The following SLC7A5 variants were observed in gnomAD, a reference collection of about 807,000 sequenced individuals.
The protein encoded by SLC7A5 is large neutral amino acids transporter small subunit 1.
SLC7A5 carries 23 observed loss-of-function variants against 50.2 expected under a neutral mutation model. The observed-to-expected ratio is 0.46, with a 90% confidence interval of 0.33 to 0.65. The LOEUF is 0.65. Ranked by LOEUF, SLC7A5 falls within the 30% of genes least tolerant of loss-of-function variation. SLC7A5 has a pLI of 0.02. For missense variants in SLC7A5, 578 were observed against 684.4 expected (o/e 0.84, Z 1.73); for synonymous variants, 393 against 330.6 (o/e 1.19, Z -2.05).
At chr16:87,842,098 T>A (rs1044595632) in intron 2 of SLC7A5, among the ~76,000 whole-genome samples, 4 of 152,054 alleles carry the variant, frequency 2.6e-5, no homozygotes, top group Non-Finnish European at 4.4e-5. Flanking sequence ...GAAGGAGAAC[T>A]TGGAAAGAAG....
chr16:87,865,308 C>T (rs1364309759), intron 1 of SLC7A5, among the ~76,000 whole-genome samples: 1 of 152,192 alleles, frequency 6.6e-6, no homozygotes, highest in Non-Finnish European at 1.5e-5. Flanking sequence ...CTAACTTTCG[C>T]TGAAAGGGAC....
rs2055404683 is a variant in SLC7A5, at chr16:87,862,041, G to C, written c.538+6844C>G. Reference sequence around the variant, plus strand: ...GCTGAGCCAGGATCCCAGCTGTGGGGGGTTGGGGGTGGAGGGGTGCAGGGA... The same window carrying C: ...GCTGAGCCAGGATCCCAGCTGTGGGCGGTTGGGGGTGGAGGGGTGCAGGGA... On this transcript the variant is annotated intron_variant, in intron 1 of 9. Coordinates refer to ENST00000261622, the MANE Select transcript of SLC7A5 (RefSeq NM_003486.7). The surrounding 1 kb of genome is among the most constrained non-coding windows in gnomAD (Gnocchi z 5.3). Among the ~76,000 whole-genome samples, 1 of 152,212 alleles carries C rather than the reference G, an allele frequency of 6.6e-6. No individual in the cohort carries two copies. The highest frequency in any genetic ancestry group is 2.4e-5 in the African/African-American group (1 of 41,454).
At chr16:87,835,782 G>A (rs930696480) in intron 8 of SLC7A5, among the ~76,000 whole-genome samples, 5 of 152,204 alleles carry the variant, frequency 3.3e-5, no homozygotes, top group East Asian at 1.9e-4. Flanking sequence ...CCTAAAGCCC[G>A]TTCAACAGCA....
At chr16:87,839,067 C>T (rs1025760957) in intron 5 of SLC7A5, among the ~76,000 whole-genome samples, 33 of 152,224 alleles carry the variant, frequency 2.2e-4, no homozygotes, top group African/African-American at 8.0e-4. Context: ...TCTGGGACTC[C>T]CTGGAGCAAG....
intron 7 of SLC7A5, chr16:87,837,626 G>C (rs1228203203): frequency 1.8e-6 from 1 of 554,748 alleles, no homozygotes; most frequent in Admixed American, 3.1e-5. Context: ...ATTTCCGATG[G>C]TCTGAATCGT....
intron 8 of SLC7A5, among the ~76,000 whole-genome samples, chr16:87,835,675 C>T (rs140338295): frequency 3.7e-4 from 56 of 152,212 alleles, no homozygotes; most frequent in South Asian, 2.1e-3. Flanking sequence ...GGGGTTTCAC[C>T]GTGTTAGCCA....
In SLC7A5 at chr16:87,851,800, G is replaced by A; in HGVS notation, c.588C>T (p.Val196=). ...GCTTGGCGGCGGCAAAGGCATCCTG[G>A]ACCCGGGTGGCGGCCTTCACGCTGT... ...NCYSVKAATR[V]QDAFAAAKLL... Residue 196 remains valine (V), a synonymous_variant, in exon 2 of 10, where the codon GTC becomes GTT. Transcript: ENST00000261622. 7 of 1,613,120 alleles carry A rather than the reference G, an allele frequency of 4.3e-6. No individual in the cohort carries two copies. Among genetic ancestry groups the A allele is most frequent in the South Asian group, 2.2e-5 (2 of 91,086 alleles).
chr16:87,857,144 CAGAG>C (rs1256524503), intron 1 of SLC7A5, among the ~76,000 whole-genome samples: 2 of 152,198 alleles, frequency 1.3e-5, no homozygotes, highest in Admixed American at 6.5e-5. Flanking sequence ...CACTGCTGGC[CAGAG>C]AGAGAGGTCA....
Position 87,869,036 on chromosome 16 carries a change from G to A in SLC7A5, c.387C>T (p.Ala129=), listed in dbSNP as rs33913122. The A allele has an allele frequency of 7.3e-4, 1,171 of 1,611,682 alleles. 12 individuals are homozygous for A. The African/African-American group carries it at 0.014, about 19-fold the overall frequency. ...GCAGCTCGATCCAGAGCTTGAGGAA[G>A]GCGGGCAGCGAGCCGTAGACCTCCA... The part of the protein sequence containing the change: ...YMLEVYGSLP[A]FLKLWIELLI... The change falls in exon 1 of 10, where the codon GCC becomes GCT. Residue 129 remains alanine (A), a synonymous_variant. Transcript: ENST00000261622.
Position 87,834,562 on chromosome 16 carries a change from G to A in SLC7A5, c.1320C>T (p.Ile440=). 1 of 1,597,914 alleles carries A rather than the reference G, an allele frequency of 6.3e-7. No homozygotes were observed. The highest frequency in any genetic ancestry group is 1.3e-5 in the African/African-American group (1 of 74,988). The change falls in exon 9 of 10, where the codon ATC becomes ATT. Residue 440 remains isoleucine, a synonymous_variant. Coordinates refer to ENST00000261622, the MANE Select transcript of SLC7A5 (RefSeq NM_003486.7). ...CGGCGATCAGGAAGAGGCAGGCCAG[G>A]ATGAAGAACACAGGCAGGGCCAGGT... ...KVNLALPVFF[I]LACLFLIAVS... is the part of the protein sequence containing the mutation.
intron 3 of SLC7A5, 138 bp from the exon 4 acceptor site, chr16:87,840,611 TGGGA>T (rs3217148): frequency 0.24 from 176,079 of 746,092 alleles, 23,792 homozygotes; most frequent in South Asian, 0.42. Flanking sequence ...GGACCTGGAG[TGGGA>T]GGGAGCTCAG....
chr16:87,847,768 G>C (rs966843546), intron 2 of SLC7A5, among the ~76,000 whole-genome samples: 2 of 152,180 alleles, frequency 1.3e-5, no homozygotes, highest in Admixed American at 6.5e-5. Context: ...TGTGGGACCT[G>C]GGGCAGGGCA....
rs1371630420 is a variant in SLC7A5 at position 87,841,091 on chromosome 16, A to C, written c.729T>G (p.Ile243Met). The C allele has an allele frequency of 6.2e-7, 1 of 1,613,956 alleles. No individual in the cohort carries two copies. The highest frequency in any genetic ancestry group is 8.5e-7 in the Non-Finnish European group (1 of 1,179,936). ...FEGTKLDVGN[I>M]VLALYSGLFA... ...AGAGGCCGCTGTATAATGCCAGCAC[A>C]ATGTTCCCCACATCCAGTTTGGTGC... The change falls in exon 3 of 10, where the codon ATT becomes ATG. Residue 243 changes from isoleucine (I) to methionine (M), a missense_variant. Transcript: ENST00000261622. The surrounding 1 kb of genome is among the most constrained non-coding windows in gnomAD (Gnocchi z 4.8).
intron 1 of SLC7A5, among the ~76,000 whole-genome samples, chr16:87,865,537 C>T (rs1434107905): frequency 2.0e-5 from 3 of 151,822 alleles, no homozygotes; most frequent in Non-Finnish European, 4.4e-5. Flanking sequence ...GGTGAAGCCC[C>T]GTCTCTGCTA....
chr16:87,851,830 G>A lies in SLC7A5; in HGVS notation c.558C>T (p.Asn186=). The change falls in exon 2 of 10, where the codon AAC becomes AAT. Residue 186 remains asparagine, a synonymous_variant. Coordinates refer to ENST00000261622, the MANE Select transcript of SLC7A5 (RefSeq NM_003486.7). ...CLCVLLLTAV[N]CYSVKAATRV... is the part of the protein sequence containing the mutation. The stretch of plus-strand genomic sequence containing the variant: ...GGGTGGCGGCCTTCACGCTGTAGCA[G>A]TTCACGGCCGTGAGCAGCACTGTGG... 2 of 1,613,096 alleles carry A rather than the reference G, an allele frequency of 1.2e-6. No homozygotes were observed. The highest frequency in any genetic ancestry group is 1.7e-6 in the Non-Finnish European group (2 of 1,179,984).
At chr16:87,858,170 A>G (rs1393865049) in intron 1 of SLC7A5, among the ~76,000 whole-genome samples, 2 of 151,968 alleles carry the variant, frequency 1.3e-5, no homozygotes, top group African/African-American at 4.8e-5. Flanking sequence ...TGCTGTGTGA[A>G]CTCCGGCAAG....
In SLC7A5 at chr16:87,837,931, C is replaced by A; in HGVS notation, c.1054G>T (p.Val352Leu). 6.2e-7 allele frequency: 1 copy of A among 1,604,022 alleles called. No individual in the cohort carries two copies. Among genetic ancestry groups the A allele is most frequent in the Middle Eastern group, 1.7e-4 (1 of 6,046 alleles). ...SLFTSSRLFFVGSREGHLPSI... is the reference protein window; with the variant it reads ...SLFTSSRLFFLGSREGHLPSI... ...GGCAGGTGGCCTTCCCGGGACCCCA[C>A]GAAGAAGAGCCTGTGGACAGACAAG... Residue 352 changes from valine (V) to leucine (L), a missense_variant, in exon 7 of 10, where the codon GTG becomes TTG. Physicochemically the swap from Val to Leu is conservative, Grantham distance 32 (BLOSUM62 1). Transcript: ENST00000261622.
At chr16:87,840,514 T>C in intron 3 of SLC7A5, 41 bp from the exon 4 acceptor site, 4 of 1,516,780 alleles carry the variant, frequency 2.6e-6, no homozygotes, top group Non-Finnish European at 3.7e-6. Context: ...ATGATCCTCA[T>C]CAGGGAAAAT....
At chr16:87,864,496 G>A (rs1457809565) in intron 1 of SLC7A5, among the ~76,000 whole-genome samples, 3 of 152,002 alleles carry the variant, frequency 2.0e-5, no homozygotes, top group African/African-American at 7.3e-5. Flanking sequence ...CTCCCTTCCC[G>A]GGACATCCAC....
Sources: allele counts gnomAD v4.1 joint callset (sites outside exome capture counted in the v4.1 genomes callset), GRCh38; gene constraint gnomAD v4.1.1; non-coding constraint Gnocchi (gnomAD v3.1); transcripts MANE v1.5; gene names NCBI Gene and HGNC (gene_info 2026-07-23, HGNC 2026-07-21).